The following NAP1L1 variants were observed in gnomAD, a reference collection of about 807,000 sequenced individuals.
NAP1L1 encodes the protein nucleosome assembly protein 1 like 1.
Under a neutral mutation model 58.9 loss-of-function variants are expected in NAP1L1, and 9 were observed. That is an observed-to-expected ratio of 0.15 (90% CI 0.09 to 0.27). The LOEUF (loss-of-function observed/expected upper bound fraction) is 0.27. NAP1L1 is among the 10% of genes least tolerant of loss of function. NAP1L1 has a pLI of 1.00. For missense variants in NAP1L1, 302 were observed against 458.8 expected (o/e 0.66, Z 3.12); for synonymous variants, 130 against 138.3 (o/e 0.94, Z 0.42).
chr12:76,058,194 C>CATATATATATATATATATAT (rs3082540), intron 6 of NAP1L1: 5 of 350,052 alleles, frequency 1.4e-5, no homozygotes, highest in African/African-American at 1.3e-4. Flanking sequence ...GAGAGGCCTA[C>CATATATATATATATATATAT]ATATATATAT....
At chr12:76,056,832 C>T (rs545159438) in intron 6 of NAP1L1, 27 of 315,102 alleles carry the variant, frequency 8.6e-5, no homozygotes, top group Non-Finnish European at 1.3e-4. Context: ...GCCAACATGG[C>T]GAAACCCCAT....
intron 4 of NAP1L1, among the ~76,000 whole-genome samples, chr12:76,065,285 G>A (rs1408428622): frequency 6.6e-6 from 1 of 151,450 alleles, no homozygotes; most frequent in Non-Finnish European, 1.5e-5. Flanking sequence ...ACAGTAAATA[G>A]GCACTGAATT....
intron 7 of NAP1L1, among the ~76,000 whole-genome samples, chr12:76,055,622 C>T (rs1301959963): frequency 6.6e-6 from 1 of 152,170 alleles, no homozygotes; most frequent in Non-Finnish European, 1.5e-5. Context: ...TATGGTTTGC[C>T]AGAGAATGTA....
chr12:76,084,272 C>T (rs1328941775), intron 1 of NAP1L1, among the ~76,000 whole-genome samples: 1 of 152,188 alleles, frequency 6.6e-6, no homozygotes, highest in African/African-American at 2.4e-5. Flanking sequence ...TCGCTCCGGT[C>T]CACGCGGAAA....
At position 76,050,101 on chromosome 12, in the gene NAP1L1, T is replaced by C. The variant is rs1175815217; in HGVS notation, c.1060-316A>G. ...AAGGACCTAAAGCCTACTCTAACAA[T>C]TGCCGTTGAGCAATAAACATATTCA... On this transcript the variant is annotated intron_variant, in intron 12 of 14. Coordinates refer to ENST00000618691, the MANE Select transcript of NAP1L1 (RefSeq NM_004537.7). Among the ~76,000 whole-genome samples, 8 of 152,298 alleles carry C rather than the reference T, an allele frequency of 5.3e-5. No homozygotes were observed. In the South Asian group the frequency reaches 1.2e-3, roughly 24 times the overall value.
At chr12:76,074,830 T>C (rs961286160) in intron 1 of NAP1L1, among the ~76,000 whole-genome samples, 3 of 152,206 alleles carry the variant, frequency 2.0e-5, no homozygotes, top group Non-Finnish European at 4.4e-5. Flanking sequence ...ATCTTAATGT[T>C]AGGTAAGCCT....
intron 1 of NAP1L1, among the ~76,000 whole-genome samples, chr12:76,078,043 T>A (rs994150278): frequency 6.7e-6 from 1 of 149,332 alleles, no homozygotes; most frequent in Non-Finnish European, 1.5e-5. Flanking sequence ...ACAAAAACAT[T>A]TTGTTAAAAA....
chr12:76,049,494 C>A (rs1948722132), intron 13 of NAP1L1: 1 of 1,535,496 alleles, frequency 6.5e-7, no homozygotes, highest in Non-Finnish European at 8.7e-7. Flanking sequence ...AAGTTTACTG[C>A]AGCTTTTGAC....
intron 4 of NAP1L1, chr12:76,061,002 A>G (rs1304522035): frequency 4.6e-6 from 2 of 434,126 alleles, no homozygotes; most frequent in South Asian, 1.6e-5. Context: ...CTAAGATGAG[A>G]GCATCACCTG....
At chr12:76,067,006 A>C (rs1949708504) in intron 4 of NAP1L1, among the ~76,000 whole-genome samples, 1 of 152,010 alleles carries the variant, frequency 6.6e-6, no homozygotes, top group African/African-American at 2.4e-5. Flanking sequence ...ATCACAAAAA[A>C]GTTTTTTAAA....
At chr12:76,080,197 A>G (rs750754759) in intron 1 of NAP1L1, among the ~76,000 whole-genome samples, 2 of 152,190 alleles carry the variant, frequency 1.3e-5, no homozygotes, top group Non-Finnish European at 2.9e-5. Flanking sequence ...AAACATTCCT[A>G]TTGCCTAGTA....
chr12:76,039,570 C>A lies in NAP1L1; in HGVS notation c.*8859G>T, dbSNP rs1211399449. ...ATCTGAATATTGTTTAAAATGAAATCTAGATTAACTCTGGTCTCTAAAATA... is the reference window on the plus strand; with the variant it reads ...ATCTGAATATTGTTTAAAATGAAATATAGATTAACTCTGGTCTCTAAAATA... On this transcript the variant is annotated 3_prime_UTR_variant, in exon 15 of 15. Coordinates refer to ENST00000618691, the MANE Select transcript of NAP1L1 (RefSeq NM_004537.7). 6.6e-6 allele frequency: 1 copy of A among 152,154 alleles called. No homozygotes were observed. Among genetic ancestry groups the A allele is most frequent in the East Asian group, 1.9e-4 (1 of 5,204 alleles). 9.4% of individuals were successfully genotyped at this position (152,154 alleles called of 1,614,324 possible).
chr12:76,061,446 C>T (rs1949411914), intron 4 of NAP1L1, among the ~76,000 whole-genome samples: 2 of 152,202 alleles, frequency 1.3e-5, no homozygotes, highest in South Asian at 4.1e-4. Flanking sequence ...CACGTTCCCA[C>T]AAAAGACATG....
intron 6 of NAP1L1, chr12:76,056,865 TAGTC>T (rs1394348701): frequency 3.3e-6 from 1 of 305,480 alleles, no homozygotes; most frequent in Admixed American, 4.2e-5. Context: ...TACAAAAAAT[TAGTC>T]AGGCATGGTG....
chr12:76,056,126 C>A lies in NAP1L1; in HGVS notation c.465G>T (p.Glu155Asp). Residue 155 changes from glutamate (E) to aspartate (D), a missense_variant, in exon 7 of 15, where the codon GAG (glutamate) becomes GAT (aspartate). By Grantham distance (45) the Glu-to-Asp change is conservative. Coordinates refer to ENST00000618691, the MANE Select transcript of NAP1L1 (RefSeq NM_004537.7). The stretch of plus-strand genomic sequence containing the variant: ...GGTCTTCTTTTTCTTCATCTTTTTT[C>A]TCATCTTCAATCTTGGCCTTTTCTT... ...ELKEKAKIED[E>D]KKDEEKEDPK... 1 of 1,612,020 alleles carries A rather than the reference C, an allele frequency of 6.2e-7. No homozygotes were observed. The highest frequency in any genetic ancestry group is 8.5e-7 in the Non-Finnish European group (1 of 1,178,818).
intron 1 of NAP1L1, among the ~76,000 whole-genome samples, chr12:76,078,155 C>T (rs1950267827): frequency 6.6e-6 from 1 of 152,034 alleles, no homozygotes; most frequent in South Asian, 2.1e-4. Context: ...CTGAGGTCAA[C>T]TGCCAATTAT....
intron 2 of NAP1L1, among the ~76,000 whole-genome samples, chr12:76,069,594 G>A (rs1241432553): frequency 6.6e-6 from 1 of 152,158 alleles, no homozygotes; most frequent in African/African-American, 2.4e-5. Flanking sequence ...ACCAGCTAAA[G>A]AAAAAGGAGT....
intron 2 of NAP1L1, among the ~76,000 whole-genome samples, chr12:76,070,491 T>C (rs1949904715): frequency 6.6e-6 from 1 of 152,256 alleles, no homozygotes; most frequent in South Asian, 2.1e-4. Flanking sequence ...TACAGATAAC[T>C]GGAGCATCTC....
At chr12:76,056,307 A>G (rs902471787) in intron 6 of NAP1L1, 146 bp from the exon 7 acceptor site, 3 of 758,222 alleles carry the variant, frequency 4.0e-6, no homozygotes, top group Admixed American at 3.1e-5. Context: ...GTTGCCCATA[A>G]CAAACCTTAA....
Sources: gnomAD v4.1 joint callset for allele counts (sites outside exome capture counted in the v4.1 genomes callset) on GRCh38, gnomAD v4.1.1 for gene constraint, MANE v1.5 for transcripts, NCBI Gene and HGNC (gene_info 2026-07-23, HGNC 2026-07-21) for gene names.